The following METTL15 variants were observed in gnomAD, a reference collection of about 807,000 sequenced individuals.
METTL15 encodes the protein 12S rRNA N(4)-cytidine methyltransferase METTL15.
METTL15 carries 34 observed loss-of-function variants against 38.3 expected under a neutral mutation model. That is an observed-to-expected ratio of 0.89 (90% confidence interval 0.68 to 1.18). METTL15 has a LOEUF of 1.18. Among genes scored for constraint, METTL15 ranks in the 50% most tolerant of loss-of-function variants. The pLI is 0.00. For missense variants in METTL15, 438 were observed against 498.4 expected (o/e 0.88, Z 1.15); for synonymous variants, 162 against 170.9 (o/e 0.95, Z 0.41).
At chr11:28,400,721 A>G (rs1590361928) in intron 5 of METTL15, among the ~76,000 whole-genome samples, 1 of 151,900 alleles carries the variant, frequency 6.6e-6, no homozygotes, top group Non-Finnish European at 1.5e-5. Context: ...AGTTTCATCC[A>G]CTACTGTGGG....
At chr11:28,436,978 G>A (rs575747989) in intron 6 of METTL15, among the ~76,000 whole-genome samples, 4 of 152,276 alleles carry the variant, frequency 2.6e-5, no homozygotes, top group East Asian at 1.9e-4. Flanking sequence ...AGAAGAAGGC[G>A]GGTGAAGCTG....
At chr11:28,121,641 A>G (rs1852237838) in intron 3 of METTL15, among the ~76,000 whole-genome samples, 1 of 152,082 alleles carries the variant, frequency 6.6e-6, no homozygotes, top group South Asian at 2.1e-4. Context: ...TATTTTTCAT[A>G]TTTATGGTTT....
chr11:28,476,856 T>C (rs979725119), intron 6 of METTL15, among the ~76,000 whole-genome samples: 5 of 152,208 alleles, frequency 3.3e-5, no homozygotes, highest in African/African-American at 1.2e-4. Context: ...TTCTTAGTGC[T>C]GTAGAACAAA....
At chr11:28,115,903 T>C (rs1361117851) in intron 3 of METTL15, among the ~76,000 whole-genome samples, 1 of 147,764 alleles carries the variant, frequency 6.8e-6, no homozygotes, top group African/African-American at 2.5e-5. Context: ...CATACATATA[T>C]GCATGTATAC....
chr11:28,216,282 A>C (rs186371572), intron 4 of METTL15, among the ~76,000 whole-genome samples: 43 of 152,272 alleles, frequency 2.8e-4, no homozygotes, highest in Admixed American at 2.5e-3. Context: ...ATACAAGAAT[A>C]GGCAAGTGGA....
intron 3 of METTL15, among the ~76,000 whole-genome samples, chr11:28,132,733 T>G (rs1849379889): frequency 6.6e-6 from 1 of 152,178 alleles, no homozygotes; most frequent in South Asian, 2.1e-4. Flanking sequence ...ATCTTTGATA[T>G]ATGATACAGT....
At chr11:28,316,553 G>A (rs999217142) in intron 6 of METTL15, among the ~76,000 whole-genome samples, 4 of 152,174 alleles carry the variant, frequency 2.6e-5, no homozygotes, top group African/African-American at 9.7e-5. Flanking sequence ...TAAGAGTTTG[G>A]GGGACTGTTG....
chr11:28,490,972 ACTGT>A (rs1851489580), intron 6 of METTL15, among the ~76,000 whole-genome samples: 1 of 152,200 alleles, frequency 6.6e-6, no homozygotes, highest in Non-Finnish European at 1.5e-5. Flanking sequence ...AAATAAAAAC[ACTGT>A]CTAAGTTTAG....
chr11:28,234,167 G>A (rs896315443), intron 4 of METTL15, among the ~76,000 whole-genome samples: 2 of 152,146 alleles, frequency 1.3e-5, no homozygotes, highest in Admixed American at 1.3e-4. Flanking sequence ...GTATTCCATG[G>A]TGTATATGTG....
At chr11:28,222,649 C>T (rs1246350610) in intron 4 of METTL15, among the ~76,000 whole-genome samples, 1 of 152,186 alleles carries the variant, frequency 6.6e-6, no homozygotes, top group Non-Finnish European at 1.5e-5. Flanking sequence ...TTTGCTCATG[C>T]TGGGTGCTGT....
intron 6 of METTL15, among the ~76,000 whole-genome samples, chr11:28,444,757 C>A (rs1277447011): frequency 1.3e-5 from 2 of 152,176 alleles, no homozygotes; most frequent in Non-Finnish European, 2.9e-5. Context: ...TAGTTTCTAT[C>A]CTCCCTTCCA....
At chr11:28,429,515 G>A (rs1484584012) in intron 6 of METTL15, among the ~76,000 whole-genome samples, 7 of 126,810 alleles carry the variant, frequency 5.5e-5, no homozygotes, top group African/African-American at 2.1e-4. Flanking sequence ...TTGCAGGCAC[G>A]CGCCGCCACG....
intron 6 of METTL15, among the ~76,000 whole-genome samples, chr11:28,522,748 C>T (rs1020066305): frequency 6.6e-5 from 10 of 152,278 alleles, no homozygotes; most frequent in African/African-American, 2.4e-4. Context: ...CCATGGGTTA[C>T]AAGGGCAGAA....
intron 3 of METTL15, among the ~76,000 whole-genome samples, chr11:28,175,488 G>A (rs978703251): frequency 2.6e-5 from 4 of 152,118 alleles, no homozygotes; most frequent in African/African-American, 7.2e-5. Context: ...GGGTCAAATG[G>A]TATTTCTAGT....
intron 3 of METTL15, among the ~76,000 whole-genome samples, chr11:28,159,382 C>A (rs1190269579): frequency 6.6e-6 from 1 of 151,400 alleles, no homozygotes; most frequent in Non-Finnish European, 1.5e-5. Flanking sequence ...TATAGCAGCC[C>A]AATCCAGGCA....
intron 4 of METTL15, among the ~76,000 whole-genome samples, chr11:28,233,547 C>G (rs1336948558): frequency 6.6e-6 from 1 of 151,864 alleles, no homozygotes; most frequent in African/African-American, 2.4e-5. Flanking sequence ...TATTGTTGGG[C>G]AAGTTACTCC....
intron 3 of METTL15, among the ~76,000 whole-genome samples, chr11:28,207,173 C>T (rs1852383229): frequency 6.6e-6 from 1 of 150,644 alleles, no homozygotes; most frequent in Non-Finnish European, 1.5e-5. Context: ...GAGAGGGCAT[C>T]CGTGTCTTGT....
intron 6 of METTL15, among the ~76,000 whole-genome samples, chr11:28,438,352 T>C (rs1851001325): frequency 1.3e-5 from 2 of 152,350 alleles, no homozygotes; most frequent in South Asian, 4.1e-4. Flanking sequence ...ACTGGGCTTG[T>C]CCTTGTAGGC....
At chr11:28,197,674 C>A (rs1384454435) in intron 3 of METTL15, 1 of 283,816 alleles carries the variant, frequency 3.5e-6, no homozygotes, top group Admixed American at 4.0e-5. Context: ...TCTATTTCTC[C>A]CTGCAATATG....
Sources: allele counts gnomAD v4.1 joint callset (sites outside exome capture counted in the v4.1 genomes callset), GRCh38; gene constraint gnomAD v4.1.1; transcripts MANE v1.5; gene names NCBI Gene and HGNC (gene_info 2026-07-23, HGNC 2026-07-21).